The following SSH2 variants were observed in gnomAD, a reference collection of about 807,000 sequenced individuals.
SSH2 encodes the protein slingshot protein phosphatase 2.
In SSH2, 37 loss-of-function variants were observed where a neutral mutation model predicts 135.2. The observed-to-expected ratio is 0.27, with a 90% confidence interval of 0.21 to 0.36. The LOEUF (loss-of-function observed/expected upper bound fraction) is 0.36, where lower values mean the gene tolerates loss of function less well. Among genes scored for constraint, SSH2 ranks in the 10% least tolerant of loss-of-function variants. The probability of loss-of-function intolerance (pLI) is 1.00; values close to 1 mark genes in which losing one functional copy is unlikely to be tolerated. For missense variants in SSH2, 1,408 were observed against 1,765.3 expected (o/e 0.80, Z 3.63); for synonymous variants, 628 against 646.2 (o/e 0.97, Z 0.43).
intron 1 of SSH2, among the ~76,000 whole-genome samples, chr17:29,895,033 T>A (rs1034555453): frequency 6.6e-6 from 1 of 151,604 alleles, no homozygotes; most frequent in Non-Finnish European, 1.5e-5. Flanking sequence ...TTCTCTGACA[T>A]AGACTCTCCA....
At chr17:29,795,653 T>C (rs374557137) in intron 2 of SSH2, among the ~76,000 whole-genome samples, 1 of 152,204 alleles carries the variant, frequency 6.6e-6, no homozygotes, top group African/African-American at 2.4e-5. Context: ...TAAATAGAAA[T>C]GATTTCCTGG....
intron 1 of SSH2, among the ~76,000 whole-genome samples, chr17:29,891,055 G>GA (rs2066340949): frequency 6.6e-6 from 1 of 152,024 alleles, no homozygotes; most frequent in African/African-American, 2.4e-5. Flanking sequence ...CGCCCGGTCT[G>GA]AAAAAAATCT....
At chr17:29,804,636 T>A (rs948294819) in intron 2 of SSH2, among the ~76,000 whole-genome samples, 1 of 152,210 alleles carries the variant, frequency 6.6e-6, no homozygotes, top group African/African-American at 2.4e-5. Context: ...TCACTAGAGA[T>A]CAAATTCATT....
chr17:29,729,204 T>G (rs2151183331), intron 3 of SSH2, among the ~76,000 whole-genome samples: 1 of 152,308 alleles, frequency 6.6e-6, no homozygotes, highest in South Asian at 2.1e-4. Flanking sequence ...TAAAATCTAA[T>G]AATCTGATTT....
chr17:29,836,769 C>T (rs1490532823), intron 2 of SSH2, among the ~76,000 whole-genome samples: 3 of 152,128 alleles, frequency 2.0e-5, no homozygotes, highest in Non-Finnish European at 2.9e-5. Flanking sequence ...GTTGAGATTA[C>T]AGAAAATATA....
chr17:29,696,267 T>C lies in SSH2; in HGVS notation c.293-744A>G, dbSNP rs930744923. On this transcript the variant is annotated intron_variant, in intron 4 of 15. Transcript: ENST00000540801. ...GACTCCGTCTCAAAAAATATATATA[T>C]ACACACACACGTATATATATGTATA... Among the ~76,000 whole-genome samples, 39 of 149,442 alleles carry C rather than the reference T, an allele frequency of 2.6e-4. 1 individual carries two copies. Among genetic ancestry groups the C allele is most frequent in the African/African-American group, 9.3e-4 (38 of 40,684 alleles).
intron 2 of SSH2, among the ~76,000 whole-genome samples, chr17:29,826,076 C>A (rs2042737832): frequency 6.6e-6 from 1 of 151,974 alleles, no homozygotes; most frequent in Admixed American, 6.6e-5. Flanking sequence ...TAATATAGAA[C>A]AATGTATTCC....
Position 29,784,065 on chromosome 17 carries a change from C to CAAA in SSH2, c.188+9826_188+9828dup, listed in dbSNP as rs71138857. ...TGGGTGACAGAGCGAGACTCCGTCT[C>CAAA]AAAAAAAAAAAAAAAAAAAAAAAAA... is the stretch of plus-strand genomic sequence containing the variant. On this transcript the variant is annotated intron_variant, in intron 3 of 15. Coordinates refer to ENST00000540801, the MANE Select transcript of SSH2 (RefSeq NM_001282129.2). Among the ~76,000 whole-genome samples, 34 of 8,232 alleles carry CAAA rather than the reference C, an allele frequency of 4.1e-3. 6 individuals are homozygous for CAAA. Among genetic ancestry groups the CAAA allele is most frequent in the Non-Finnish European group, 6.7e-3 (27 of 4,002 alleles). The allele number at this position is 8,232 out of a possible 152,430, so 5.4% of individuals were successfully genotyped here. A position where few individuals can be genotyped will look rare whatever the true frequency, so the allele number is the denominator to read the frequency against.
intron 3 of SSH2, among the ~76,000 whole-genome samples, chr17:29,793,353 T>C (rs1741147557): frequency 6.6e-6 from 1 of 152,168 alleles, no homozygotes; most frequent in Admixed American, 6.5e-5. Context: ...ATACCCTTTG[T>C]ATAGAAACAA....
At chr17:29,679,348 G>A (rs973727987) in intron 6 of SSH2, among the ~76,000 whole-genome samples, 8 of 151,764 alleles carry the variant, frequency 5.3e-5, no homozygotes, top group Non-Finnish European at 1.0e-4. Context: ...GTATGATTAT[G>A]GGCTCTGGAA....
intron 8 of SSH2, among the ~76,000 whole-genome samples, chr17:29,672,578 T>A (rs1036130832): frequency 6.6e-6 from 1 of 152,242 alleles, no homozygotes; most frequent in Non-Finnish European, 1.5e-5. Flanking sequence ...CATAGATAGA[T>A]GTCCCTAAGC....
chr17:29,923,970 T>C (rs2067021084), intron 1 of SSH2, among the ~76,000 whole-genome samples: 1 of 152,166 alleles, frequency 6.6e-6, no homozygotes, highest in Admixed American at 6.5e-5. Context: ...GATATGGCAA[T>C]ACATCTGTGA....
At chr17:29,781,994 C>T (rs947364406) in intron 3 of SSH2, among the ~76,000 whole-genome samples, 2 of 151,226 alleles carry the variant, frequency 1.3e-5, no homozygotes, top group African/African-American at 4.9e-5. Context: ...TACAGGTGTG[C>T]GCCACCATGC....
intron 15 of SSH2, among the ~76,000 whole-genome samples, chr17:29,635,565 A>T (rs28587136): frequency 1.3e-5 from 2 of 150,824 alleles, no homozygotes; most frequent in Non-Finnish European, 3.0e-5. Context: ...CCGCCACCAC[A>T]CCTGGCTAAT....
At chr17:29,691,666 A>G (rs2038482422) in intron 5 of SSH2, among the ~76,000 whole-genome samples, 1 of 151,206 alleles carries the variant, frequency 6.6e-6, no homozygotes, top group Admixed American at 6.6e-5. Context: ...AATTTTTTGT[A>G]TTTTTAGTAG....
chr17:29,850,029 C>CAAAA (rs970117948), intron 1 of SSH2, among the ~76,000 whole-genome samples: 1 of 37,668 alleles, frequency 2.7e-5, no homozygotes, highest in Non-Finnish European at 5.5e-5. Context: ...GACTCCATCT[C>CAAAA]AAAAAAAAAA....
At chr17:29,781,102 C>T (rs1020106706) in intron 3 of SSH2, among the ~76,000 whole-genome samples, 4 of 152,128 alleles carry the variant, frequency 2.6e-5, no homozygotes, top group African/African-American at 9.7e-5. Context: ...TGAGCCACGG[C>T]GCCCGGCCTT....
chr17:29,800,661 T>TAATTA (rs2042234456), intron 2 of SSH2, among the ~76,000 whole-genome samples: 1 of 151,764 alleles, frequency 6.6e-6, no homozygotes, highest in African/African-American at 2.4e-5. Flanking sequence ...AATGTTTAAT[T>TAATTA]AATTAAACAT....
At chr17:29,685,726 T>C (rs1376782263) in intron 5 of SSH2, among the ~76,000 whole-genome samples, 1 of 146,372 alleles carries the variant, frequency 6.8e-6, no homozygotes, top group Non-Finnish European at 1.5e-5. Flanking sequence ...GAGGCGGAGG[T>C]TGCAGTGAGC....
Sources: gnomAD v4.1 joint callset for allele counts (sites outside exome capture counted in the v4.1 genomes callset) on GRCh38, gnomAD v4.1.1 for gene constraint, MANE v1.5 for transcripts, NCBI Gene and HGNC (gene_info 2026-07-23, HGNC 2026-07-21) for gene names.